BCAR3: variants seen among roughly 807,000 people sequenced by gnomAD.
BCAR3 encodes breast cancer anti-estrogen resistance protein 3.
A neutral mutation model predicts 80.1 loss-of-function variants in BCAR3; 37 were observed. The observed-to-expected ratio is 0.46, with a 90% CI of 0.36 to 0.61. The LOEUF (loss-of-function observed/expected upper bound fraction) is 0.61, where lower values mean the gene tolerates loss of function less well. Among genes scored for constraint, BCAR3 ranks in the 20% least tolerant of loss-of-function variants. The pLI, the probability that BCAR3 is intolerant of heterozygous loss-of-function variation, is 0.00. For synonymous variants in BCAR3, 389 were observed against 418.9 expected (o/e 0.93, Z 0.87); for missense variants, 978 against 1,068.2 (o/e 0.92, Z 1.18).
intron 2 of BCAR3, among the ~76,000 whole-genome samples, chr1:93,797,396 C>A (rs946963297): frequency 6.6e-6 from 1 of 152,112 alleles, no homozygotes; most frequent in Non-Finnish European, 1.5e-5. Context: ...CAAGTCCTGC[C>A]TCTATTGCAT....
intron 3 of BCAR3, among the ~76,000 whole-genome samples, chr1:93,629,212 C>T (rs1675535385): frequency 6.6e-6 from 1 of 152,214 alleles, no homozygotes; most frequent in South Asian, 2.1e-4. Context: ...AGGCTCCTCC[C>T]ACTGTTCTCT....
In BCAR3 at chr1:93,573,616, T is replaced by TTTG. The variant is rs1557838231; in HGVS notation, c.1803-1776_1803-1775insCAA. Among the ~76,000 whole-genome samples the TTTG allele has an allele frequency of 2.2e-3, 310 of 140,228 alleles. 16 individuals are homozygous for TTTG. Among genetic ancestry groups the TTTG allele is most frequent in the Middle Eastern group, 3.8e-3 (1 of 266 alleles). The allele number at this position is 140,228 out of a possible 152,430, so 92.0% of individuals were successfully genotyped here. ...ATAGACCTAAAATATATTTTTATTATTATTATTATTATTATTATTTTTTTT... is the reference window on the plus strand; with the variant it reads ...ATAGACCTAAAATATATTTTTATTATTTGTATTATTATTATTATTATTTTTTTT... On this transcript the variant is annotated intron_variant, in intron 8 of 11. Transcript: ENST00000260502.
At chr1:93,643,545 CAAAAAAAAAAAAAAAAA>C (rs547667389) in intron 2 of BCAR3, among the ~76,000 whole-genome samples, 4 of 22,306 alleles carry the variant, frequency 1.8e-4, no homozygotes, top group Admixed American at 8.0e-4. Context: ...GACTCTTTCT[CAAAAAAAAAAAAAAAAA>C]AAAAAAAAAA....
At chr1:93,587,925 G>A (rs192909613) in intron 5 of BCAR3, among the ~76,000 whole-genome samples, 15 of 152,176 alleles carry the variant, frequency 9.9e-5, no homozygotes, top group African/African-American at 3.1e-4. Context: ...GGCCAACGTC[G>A]CTGACATTTG....
At position 93,592,474 on chromosome 1, in the gene BCAR3, C is replaced by G. The variant is rs1049290787; in HGVS notation, c.358-81G>C. The G allele has an allele frequency of 4.3e-5, 64 of 1,490,266 alleles. No homozygotes were observed. The highest frequency in any genetic ancestry group is 5.0e-5 in the Non-Finnish European group (56 of 1,122,266). The allele number at this position is 1,490,266 out of a possible 1,614,324, so 92.3% of individuals were successfully genotyped here. A position where few individuals can be genotyped will look rare whatever the true frequency, so the allele number is the denominator to read the frequency against. On this transcript the variant is annotated intron_variant, in intron 3 of 11. Transcript: ENST00000260502. This position sits in a 1 kb window ranked among gnomAD's most constrained non-coding sequence, Gnocchi z 4.8. ...CAGCTGGAGGTGACCGCCTGCTTCA[C>G]TAATCCAACCAGTTATGCTACAGCC... is the stretch of plus-strand genomic sequence containing the variant.
intron 2 of BCAR3, among the ~76,000 whole-genome samples, chr1:93,779,855 A>G (rs1652704982): frequency 6.6e-6 from 1 of 152,024 alleles, no homozygotes; most frequent in Admixed American, 6.6e-5. Flanking sequence ...CTCCTCCCCC[A>G]ATCCCAGGAT....
Position 93,571,810 on chromosome 1 carries a change from C to T in BCAR3, c.1834G>A (p.Asp612Asn). 1 of 1,614,094 alleles carries T rather than the reference C, an allele frequency of 6.2e-7. No homozygotes were observed. Among genetic ancestry groups the T allele is most frequent in the South Asian group, 1.1e-5 (1 of 91,056 alleles). ...AAAGTGCCCGTGCATCCCAGAATGT[C>T]CACTGCAATGCCGATGGCCATTGTG... ...HNTMAIGIAV[D>N]ILGCTGTLED... Residue 612 changes from aspartate (D) to asparagine (N), a missense_variant, in exon 9 of 12, where the codon GAC becomes AAC. Transcript: ENST00000260502.
chr1:93,656,655 A>C (rs894748469), intron 2 of BCAR3, among the ~76,000 whole-genome samples: 2 of 151,664 alleles, frequency 1.3e-5, no homozygotes, highest in African/African-American at 4.9e-5. Context: ...CCCAGGCTAA[A>C]GTACAGTGCA....
chr1:93,812,849 A>G (rs1201155980), intron 2 of BCAR3, among the ~76,000 whole-genome samples: 1 of 152,224 alleles, frequency 6.6e-6, no homozygotes, highest in African/African-American at 2.4e-5. Context: ...CCCAGGCCTA[A>G]AAGAATCAGA....
chr1:93,696,365 C>G (rs1305804886), intron 3 of BCAR3, among the ~76,000 whole-genome samples: 1 of 152,140 alleles, frequency 6.6e-6, no homozygotes, highest in Middle Eastern at 3.2e-3. Context: ...ACCCTGGGAA[C>G]CACCCTGGGT....
At chr1:93,786,413 C>T (rs1322233086) in intron 2 of BCAR3, among the ~76,000 whole-genome samples, 1 of 152,124 alleles carries the variant, frequency 6.6e-6, no homozygotes, top group East Asian at 1.9e-4. Flanking sequence ...AGTAAACTAT[C>T]TCGAAAGTGG....
intron 2 of BCAR3, chr1:93,775,332 G>A (rs1410177108): frequency 2.0e-5 from 3 of 152,242 alleles, no homozygotes; most frequent in East Asian, 1.9e-4. Flanking sequence ...TTGGCTGTGA[G>A]TGCTCTCAGA....
intron 3 of BCAR3, among the ~76,000 whole-genome samples, chr1:93,598,357 A>T (rs1674508669): frequency 6.6e-6 from 1 of 152,242 alleles, no homozygotes. Flanking sequence ...TGGCATCTGC[A>T]TTATAATTAA....
chr1:93,706,640 A>G (rs1378617452), intron 2 of BCAR3, among the ~76,000 whole-genome samples: 1 of 152,196 alleles, frequency 6.6e-6, no homozygotes, highest in African/African-American at 2.4e-5. Flanking sequence ...ATGGGGATGT[A>G]AATAGTACTT....
At chr1:93,729,494 C>CAT (rs1650709296) in intron 2 of BCAR3, among the ~76,000 whole-genome samples, 1 of 152,184 alleles carries the variant, frequency 6.6e-6, no homozygotes, top group African/African-American at 2.4e-5. Flanking sequence ...GTTGAACCAT[C>CAT]ATATGTTGGG....
At chr1:93,773,454 G>C (rs561512524) in intron 2 of BCAR3, among the ~76,000 whole-genome samples, 16 of 152,194 alleles carry the variant, frequency 1.1e-4, no homozygotes, top group Non-Finnish European at 1.6e-4. Context: ...GGGAAGGGGA[G>C]GGGGGCAGAC....
chr1:93,673,380 T>C (rs889327863), intron 2 of BCAR3, among the ~76,000 whole-genome samples: 4 of 152,244 alleles, frequency 2.6e-5, no homozygotes, highest in African/African-American at 9.6e-5. Context: ...GACCAGCCCT[T>C]CATTTAAGAT....
At chr1:93,596,168 A>G (rs563269282) in intron 3 of BCAR3, among the ~76,000 whole-genome samples, 7 of 152,300 alleles carry the variant, frequency 4.6e-5, no homozygotes, top group African/African-American at 1.7e-4. Context: ...CCTTCCTTAG[A>G]CTACCTTTCT....
chr1:93,831,818 G>A (rs961033968), intron 2 of BCAR3, among the ~76,000 whole-genome samples: 5 of 151,894 alleles, frequency 3.3e-5, no homozygotes, highest in African/African-American at 4.8e-5. Context: ...GTTTCTTTCC[G>A]CAACTAGCCC....
Sources: allele counts gnomAD v4.1 joint callset (sites outside exome capture counted in the v4.1 genomes callset), GRCh38; gene constraint gnomAD v4.1.1; non-coding constraint Gnocchi (gnomAD v3.1); transcripts MANE v1.5; gene names NCBI Gene and HGNC (gene_info 2026-07-23, HGNC 2026-07-21).